The following CLEC12A variants were observed in gnomAD, a reference collection of about 807,000 sequenced individuals.
CLEC12A encodes C-type lectin domain family 12 member A, also known as C-type lectin protein CLL-1.
CLEC12A carries 22 observed loss-of-function variants against 26.5 expected under a neutral mutation model. The ratio of observed to expected loss-of-function variants is 0.83; its 90% CI spans 0.59 to 1.19. CLEC12A has a LOEUF of 1.19. Among genes scored for constraint, CLEC12A ranks in the 50% most tolerant of loss-of-function variants. CLEC12A has a pLI of 0.00. For synonymous variants in CLEC12A, 119 were observed against 101.9 expected (o/e 1.17, Z -1.01); for missense variants, 353 against 315.6 (o/e 1.12, Z -0.90).
upstream of CLEC12A, among the ~76,000 whole-genome samples, chr12:9,967,689 C>A (rs1226628215): frequency 6.7e-6 from 1 of 149,614 alleles, no homozygotes; most frequent in Non-Finnish European, 1.5e-5. Flanking sequence ...GGGTTCTTGC[C>A]CCCCAGAAAA....
At chr12:9,964,027 AC>A (rs1348665173) in intron 1 of CLEC12A, among the ~76,000 whole-genome samples, 1 of 152,232 alleles carries the variant, frequency 6.6e-6, no homozygotes, top group East Asian at 1.9e-4. Context: ...GTGAAAGGTT[AC>A]CCAGGGGAAT....
chr12:9,970,505 A>AT (rs1338728404), upstream of CLEC12A, among the ~76,000 whole-genome samples: 1 of 152,200 alleles, frequency 6.6e-6, no homozygotes, highest in East Asian at 1.9e-4. Flanking sequence ...TTACTAACGA[A>AT]TATTAGAGAA....
chr12:9,994,831 G>C (rs534444227), intron 4 of CLEC12A, among the ~76,000 whole-genome samples: 98 of 138,198 alleles, frequency 7.1e-4, no homozygotes, highest in African/African-American at 2.1e-3. Flanking sequence ...ATGTGCATGC[G>C]CGCACACACA....
downstream of CLEC12A, chr12:9,999,016 A>G (rs1234032638): frequency 7.1e-7 from 1 of 1,403,724 alleles, no homozygotes; most frequent in Non-Finnish European, 1.0e-6. Context: ...TTTCCAAATT[A>G]TTGGCTCTGA....
At chr12:9,980,983 A>G (rs1022372829) in intron 4 of CLEC12A, among the ~76,000 whole-genome samples, 1 of 152,236 alleles carries the variant, frequency 6.6e-6, no homozygotes, top group African/African-American at 2.4e-5. Flanking sequence ...TAGGTCTGTA[A>G]GCATTTCCAA....
chr12:9,954,548 C>T (rs565582522), intron 1 of CLEC12A, among the ~76,000 whole-genome samples: 69 of 152,074 alleles, frequency 4.5e-4, no homozygotes, highest in Non-Finnish European at 7.6e-4. Flanking sequence ...TTTTGTTTCA[C>T]AACCTTTATT....
chr12:10,004,480 T>A, the CLEC12A span, among the ~76,000 whole-genome samples: 1 of 152,082 alleles, frequency 6.6e-6, no homozygotes, highest in Non-Finnish European at 1.5e-5. Flanking sequence ...CAAACTACTC[T>A]CTGACCACTC....
At chr12:9,981,519 G>C (rs1338701335) in intron 4 of CLEC12A, among the ~76,000 whole-genome samples, 2 of 152,116 alleles carry the variant, frequency 1.3e-5, no homozygotes, top group African/African-American at 2.4e-5. Flanking sequence ...CCCATTCACA[G>C]TTACTTACTC....
chr12:9,979,429 G>A lies in CLEC12A; in HGVS notation c.284G>A (p.Ser95Asn), dbSNP rs1212657116. 6.2e-7 allele frequency: 1 copy of A among 1,612,338 alleles called. No homozygotes were observed. The highest frequency in any genetic ancestry group is 8.5e-7 in the Non-Finnish European group (1 of 1,178,824). The change falls in exon 3 of 6, where the codon AGT (serine) becomes AAT (asparagine). Residue 95 changes from serine to asparagine, a missense_variant. Ser to Asn is a conservative substitution (Grantham distance 46). Coordinates refer to ENST00000304361, the MANE Select transcript of CLEC12A (RefSeq NM_138337.6). ...LQRNISLQLMSNMNISNKIRN... is the reference protein window; with the variant it reads ...LQRNISLQLMNNMNISNKIRN... ...AGAAATATTTCTCTACAACTGATGA[G>A]TAACATGAATATCTCCAACAAGATC...
upstream of CLEC12A, chr12:9,951,315 A>G: frequency 1.4e-6 from 1 of 702,958 alleles, no homozygotes; most frequent in Non-Finnish European, 2.6e-6. Context: ...CTGATTGCCT[A>G]GGAAGAACAG....
At chr12:9,977,633 T>C (rs1413187769) in intron 1 of CLEC12A, among the ~76,000 whole-genome samples, 1 of 152,202 alleles carries the variant, frequency 6.6e-6, no homozygotes, top group Non-Finnish European at 1.5e-5. Flanking sequence ...CTGCCTGCTC[T>C]CTATAACAGC....
At chr12:9,985,709 AT>A (rs1200724869), downstream of CLEC12A, 14 of 369,238 alleles carry the variant, frequency 3.8e-5, 1 homozygote, top group Middle Eastern at 2.1e-3. Context: ...CTGAAAAAAA[AT>A]ATATAGATAG....
At chr12:10,004,754 C>T in the CLEC12A span, among the ~76,000 whole-genome samples, 1 of 151,976 alleles carries the variant, frequency 6.6e-6, no homozygotes, top group Non-Finnish European at 1.5e-5. Flanking sequence ...CAGGGAACCA[C>T]TCTCTTCTTT....
downstream of CLEC12A, among the ~76,000 whole-genome samples, chr12:9,995,918 C>A (rs1051402459): frequency 2.0e-5 from 3 of 152,040 alleles, no homozygotes; most frequent in African/African-American, 7.2e-5. Context: ...TTACTAACTG[C>A]ATAGGTCCAA....
rs563882208 is a variant in CLEC12A, at chr12:9,956,059, A to G, written c.10+4703A>G. Among the ~76,000 whole-genome samples the G allele has an allele frequency of 1.1e-3, 168 of 152,380 alleles. 4 individuals carry two copies. The South Asian group carries it at 0.022, about 20-fold the overall frequency. The stretch of plus-strand genomic sequence containing the variant: ...CAAGGGGAGACAAGCTGACAGCAAC[A>G]AAACACAAGAAAGCTGCACTTTGGA... On this transcript the variant is annotated intron_variant, in intron 1 of 6. Transcript: ENST00000355690.
At chr12:9,991,592 T>C (rs936033438) in intron 4 of CLEC12A, 1 of 152,060 alleles carries the variant, frequency 6.6e-6, no homozygotes, top group African/African-American at 2.4e-5. Context: ...CAAGTAAAAT[T>C]TGAGGTATTT....
intron 1 of CLEC12A, among the ~76,000 whole-genome samples, chr12:9,953,697 G>A (rs1225079535): frequency 1.3e-4 from 20 of 151,646 alleles, no homozygotes; most frequent in African/African-American, 3.1e-4. Flanking sequence ...CCACCACCCC[G>A]TCTGGGAGGT....
upstream of CLEC12A, among the ~76,000 whole-genome samples, chr12:9,966,528 T>C (rs984824546): frequency 6.6e-6 from 1 of 152,124 alleles, no homozygotes; most frequent in African/African-American, 2.4e-5. Context: ...CTGGCACTTT[T>C]AGCAAGCTCC....
At chr12:9,987,715 T>G (rs1349771242), downstream of CLEC12A, among the ~76,000 whole-genome samples, 4 of 152,198 alleles carry the variant, frequency 2.6e-5, no homozygotes, top group African/African-American at 9.6e-5. Context: ...CATCTTAAAT[T>G]TTATAATTCT....
Sources: gnomAD v4.1 joint callset for allele counts (sites outside exome capture counted in the v4.1 genomes callset) on GRCh38, gnomAD v4.1.1 for gene constraint, MANE v1.5 for transcripts, NCBI Gene and HGNC (gene_info 2026-07-23, HGNC 2026-07-21) for gene names.